The following OVCH1 variants were observed in gnomAD, a reference collection of about 807,000 sequenced individuals.
The protein encoded by OVCH1 is ovochymase 1.
Under a neutral mutation model 138.4 loss-of-function variants are expected in OVCH1, and 139 were observed. That is an observed-to-expected ratio of 1.00 (90% CI 0.87 to 1.16). OVCH1 has a LOEUF of 1.16. Ranked by LOEUF, OVCH1 falls within the 50% of genes most tolerant of loss-of-function variation. The pLI is 0.00. For missense variants in OVCH1, 1,367 were observed against 1,357.9 expected (o/e 1.01, Z -0.11); for synonymous variants, 453 against 467.8 (o/e 0.97, Z 0.41).
At chr12:29,428,761 C>T (rs1226358878) in intron 27 of OVCH1, among the ~76,000 whole-genome samples, 1 of 152,194 alleles carries the variant, frequency 6.6e-6, no homozygotes, top group Non-Finnish European at 1.5e-5. Context: ...AAATCCTCCT[C>T]TTGACCTGTG....
rs12812177 is a variant in OVCH1, at chr12:29,473,010, T to A, written c.1675+19A>T. On this transcript the variant is annotated intron_variant, in intron 15 of 27. Transcript: ENST00000318184. ...AGAAACAAGATTAAACAGATAGTAA[T>A]AACATGTCACCAACTCACCATGCAG... The A allele has an allele frequency of 6.3e-7, 1 of 1,588,822 alleles. No homozygotes were observed. Among genetic ancestry groups the A allele is most frequent in the Non-Finnish European group, 8.6e-7 (1 of 1,160,396 alleles).
intron 4 of OVCH1, among the ~76,000 whole-genome samples, chr12:29,491,957 T>C (rs1021187082): frequency 4.6e-5 from 7 of 152,174 alleles, no homozygotes; most frequent in Non-Finnish European, 8.8e-5. Context: ...GAAAAATATC[T>C]CTGTCTTGGT....
chr12:29,442,186 G>A (rs963933300), intron 25 of OVCH1, among the ~76,000 whole-genome samples: 84 of 151,912 alleles, frequency 5.5e-4, no homozygotes, highest in Admixed American at 1.6e-3. Context: ...TGTTTATTGC[G>A]GCACTATTCA....
intron 4 of OVCH1, among the ~76,000 whole-genome samples, chr12:29,492,022 AC>A (rs1292238367): frequency 2.6e-5 from 4 of 152,222 alleles, no homozygotes; most frequent in Non-Finnish European, 5.9e-5. Flanking sequence ...AGGAGAAGAA[AC>A]AAACAGCAAA....
chr12:29,443,411 T>C (rs1228121277), exon 25 of OVCH1: 3 of 1,612,220 alleles, frequency 1.9e-6, no homozygotes, highest in South Asian at 2.2e-5. Context: ...CAGATGACCA[T>C]GACAGACAAA....
intron 18 of OVCH1, among the ~76,000 whole-genome samples, chr12:29,462,608 A>AT (rs1353742367): frequency 6.6e-6 from 1 of 151,948 alleles, no homozygotes; most frequent in Non-Finnish European, 1.5e-5. Flanking sequence ...TTTATGACCA[A>AT]TTTTTTTAAG....
exon 24 of OVCH1, chr12:29,444,219 A>G: frequency 1.9e-6 from 3 of 1,612,498 alleles, no homozygotes; most frequent in Non-Finnish European, 2.5e-6. Context: ...CATCCTCACA[A>G]GGGACCAAGT....
chr12:29,409,452 T>A (rs1158480628), downstream of OVCH1, among the ~76,000 whole-genome samples: 1 of 152,102 alleles, frequency 6.6e-6, no homozygotes, highest in Admixed American at 6.6e-5. Flanking sequence ...TTTAGTGCTA[T>A]AAATTTCCCT....
Position 29,486,357 on chromosome 12 carries a change from G to A in OVCH1, c.893-9C>T. 6.3e-7 allele frequency: 1 copy of A among 1,589,160 alleles called. No homozygotes were observed. Among genetic ancestry groups the A allele is most frequent in the Non-Finnish European group, 8.6e-7 (1 of 1,161,458 alleles). On this transcript the variant is annotated splice_polypyrimidine_tract_variant and intron_variant, in intron 7 of 27. Coordinates refer to ENST00000318184, the Ensembl canonical transcript of OVCH1. ...TTGGCCCCGATCCAAACCTGTAAAA[G>A]GTATAAGGAGTTAGTGCCTTTCCCA...
intron 25 of OVCH1, among the ~76,000 whole-genome samples, chr12:29,441,674 T>G (rs1251926557): frequency 5.3e-5 from 8 of 152,144 alleles, no homozygotes; most frequent in East Asian, 1.9e-4. Flanking sequence ...TAACATCAGA[T>G]TGAACAGGCA....
downstream of OVCH1, among the ~76,000 whole-genome samples, chr12:29,425,097 G>C (rs1396994461): frequency 6.6e-6 from 1 of 152,142 alleles, no homozygotes; most frequent in Admixed American, 6.5e-5. Flanking sequence ...AAGTGCCTGT[G>C]ATGTCCCTGT....
At chr12:29,402,981 A>C in the OVCH1 span, among the ~76,000 whole-genome samples, 1 of 152,190 alleles carries the variant, frequency 6.6e-6, no homozygotes, top group Non-Finnish European at 1.5e-5. Flanking sequence ...AAAGATTATT[A>C]ACCAGTTTCA....
At chr12:29,479,650 T>G (rs965402026) in intron 8 of OVCH1, among the ~76,000 whole-genome samples, 1 of 152,156 alleles carries the variant, frequency 6.6e-6, no homozygotes, top group Non-Finnish European at 1.5e-5. Flanking sequence ...ATGTTGGAAT[T>G]AACTCTTTCC....
intron 3 of OVCH1, among the ~76,000 whole-genome samples, chr12:29,421,620 T>C (rs191156217): frequency 3.9e-5 from 6 of 152,268 alleles, no homozygotes; most frequent in Non-Finnish European, 5.9e-5. Context: ...TCTAGACTTA[T>C]CAAAACACTT....
At chr12:29,430,810 C>A (rs1941254475) in intron 27 of OVCH1, 3 of 475,348 alleles carry the variant, frequency 6.3e-6, no homozygotes, top group Non-Finnish European at 1.3e-5. Context: ...TTAACACCCT[C>A]CCTTGAGTTC....
At chr12:29,488,006 C>G (rs1337187859) in intron 6 of OVCH1, 124 bp from the exon 7 acceptor site, 1 of 856,684 alleles carries the variant, frequency 1.2e-6, no homozygotes, top group Non-Finnish European at 1.7e-6. Flanking sequence ...GTCCACTAGT[C>G]ATCGTCCATC....
intron 21 of OVCH1, among the ~76,000 whole-genome samples, chr12:29,451,876 C>G (rs774365610): frequency 2.0e-5 from 3 of 152,178 alleles, no homozygotes; most frequent in Non-Finnish European, 4.4e-5. Context: ...TTTTCTTCCT[C>G]CTTTGAGATG....
At chr12:29,476,801 ACACACAG>A (rs1360309081) in intron 12 of OVCH1, among the ~76,000 whole-genome samples, 1 of 42,822 alleles carries the variant, frequency 2.3e-5, no homozygotes, top group Admixed American at 2.2e-4. Context: ...ACACACACAC[ACACACAG>A]GTTAGTAAAT....
chr12:29,472,989 A>G (rs12810450), intron 15 of OVCH1, 40 bp downstream of exon 15: 1 of 1,526,212 alleles, frequency 6.6e-7, no homozygotes, highest in Non-Finnish European at 9.0e-7. Context: ...TAATGAAGAA[A>G]CAAGATTAAA....
Sources: allele counts gnomAD v4.1 joint callset (sites outside exome capture counted in the v4.1 genomes callset), GRCh38; gene constraint gnomAD v4.1.1; transcripts MANE v1.5; gene names NCBI Gene and HGNC (gene_info 2026-07-23, HGNC 2026-07-21).